Variants in XPO4 observed in about 807,000 individuals in gnomAD.
The protein encoded by XPO4 is exportin 4, also known as exportin-4.
XPO4 carries 39 observed loss-of-function variants against 143.0 expected under a neutral mutation model. The observed-to-expected ratio is 0.27, with a 90% CI of 0.21 to 0.36. The LOEUF (loss-of-function observed/expected upper bound fraction) is 0.36. XPO4 is among the 10% of genes least tolerant of loss of function. XPO4 has a pLI of 1.00. For synonymous variants in XPO4, 439 were observed against 474.0 expected (o/e 0.93, Z 0.96); for missense variants, 907 against 1,348.0 (o/e 0.67, Z 5.12).
At chr13:20,861,440 CA>C (rs2060197391) in intron 3 of XPO4, among the ~76,000 whole-genome samples, 2 of 151,670 alleles carry the variant, frequency 1.3e-5, no homozygotes, top group African/African-American at 2.4e-5. Flanking sequence ...GGACTACAGG[CA>C]TGCACTACCA....
rs2059457849 is a variant in XPO4 at position 20,803,164 on chromosome 13, A to T, written c.1818-2174T>A. Among the ~76,000 whole-genome samples the T allele has an allele frequency of 6.6e-6, 1 of 152,206 alleles. No homozygotes were observed. The highest frequency in any genetic ancestry group is 2.4e-5 in the African/African-American group (1 of 41,442). ...ATTTCTTCCAAGTTATACACCAAAA[A>T]TCACAGAGATCTACCAACAAAAATT... On this transcript the variant is annotated intron_variant, in intron 13 of 22. Transcript: ENST00000255305. This position sits in a 1 kb window ranked among gnomAD's most constrained non-coding sequence, Gnocchi z 4.1.
intron 6 of XPO4, among the ~76,000 whole-genome samples, chr13:20,831,066 TA>T (rs549376550): frequency 3.3e-5 from 5 of 151,588 alleles, no homozygotes; most frequent in African/African-American, 1.2e-4. Flanking sequence ...GTATAAGAAA[TA>T]AAAAAAACCA....
intron 9 of XPO4, among the ~76,000 whole-genome samples, chr13:20,814,343 A>G (rs1029440651): frequency 6.6e-6 from 1 of 152,232 alleles, no homozygotes; most frequent in Non-Finnish European, 1.5e-5. Context: ...TCTATTATTA[A>G]AAAAAGTTTT....
At chr13:20,862,594 G>C in intron 3 of XPO4, 123 bp downstream of exon 3, 1 of 1,217,018 alleles carries the variant, frequency 8.2e-7, no homozygotes. Flanking sequence ...TCCCAAAGTG[G>C]AGATTATAGG....
At chr13:20,901,312 C>T (rs956898459) in intron 1 of XPO4, among the ~76,000 whole-genome samples, 1 of 152,082 alleles carries the variant, frequency 6.6e-6, no homozygotes, top group African/African-American at 2.4e-5. Flanking sequence ...TATATTAAGC[C>T]AGTGACGAAG....
chr13:20,885,978 C>T (rs1250302253), intron 1 of XPO4, among the ~76,000 whole-genome samples: 1 of 152,042 alleles, frequency 6.6e-6, no homozygotes, highest in Admixed American at 6.6e-5. Flanking sequence ...TTTATACGTA[C>T]AAAACAAAAC....
At chr13:20,793,548 T>TATTGACTG (rs537228348) in intron 18 of XPO4, among the ~76,000 whole-genome samples, 3 of 151,726 alleles carry the variant, frequency 2.0e-5, no homozygotes, top group Non-Finnish European at 4.4e-5. Flanking sequence ...TGCCCTTTCT[T>TATTGACTG]ATTGACTGAT....
In XPO4 at chr13:20,831,295, AAT is replaced by A. The variant is rs199621566; in HGVS notation, c.728-4118_728-4117del. On this transcript the variant is annotated intron_variant, in intron 6 of 22. Transcript: ENST00000255305. ...CATTTAAAAATAATTTTAATAAAAC[AAT>A]AGTTTCCTTTTAAAACTTTCAAAAG... Among the ~76,000 whole-genome samples the A allele has an allele frequency of 2.5e-4, 38 of 152,334 alleles. No homozygotes were observed. In the East Asian group the frequency reaches 6.0e-3, roughly 24 times the overall value.
intron 1 of XPO4, among the ~76,000 whole-genome samples, chr13:20,875,312 A>G (rs1004728372): frequency 6.6e-6 from 1 of 152,182 alleles, no homozygotes; most frequent in Non-Finnish European, 1.5e-5. Context: ...ATATTTCATA[A>G]TATTCCACAA....
intron 12 of XPO4, among the ~76,000 whole-genome samples, chr13:20,808,048 T>G (rs1458105013): frequency 1.3e-5 from 2 of 152,188 alleles, no homozygotes; most frequent in Non-Finnish European, 2.9e-5. Context: ...AAGAAGATCC[T>G]AAGAGTCAGA....
At chr13:20,849,879 G>A in intron 4 of XPO4, 1 of 883,098 alleles carries the variant, frequency 1.1e-6, no homozygotes, top group Non-Finnish European at 1.4e-6. Context: ...GCTGAAGTGG[G>A]CAGATCACTT....
chr13:20,788,411 C>A, intron 20 of XPO4, 75 bp downstream of exon 20: 1 of 1,542,706 alleles, frequency 6.5e-7, no homozygotes, highest in East Asian at 2.4e-5. Flanking sequence ...AAAATGTAAA[C>A]TTAAAAAACT....
chr13:20,807,340 A>AT (rs1403755835), intron 13 of XPO4, 117 bp downstream of exon 13: 5 of 1,072,868 alleles, frequency 4.7e-6, no homozygotes, highest in Non-Finnish European at 6.6e-6. Flanking sequence ...CCAAGTTTTC[A>AT]TTTTTTTCAT....
chr13:20,883,863 G>A (rs2060436370), intron 1 of XPO4, among the ~76,000 whole-genome samples: 1 of 152,192 alleles, frequency 6.6e-6, no homozygotes, highest in Non-Finnish European at 1.5e-5. Context: ...CGCCTCCTGG[G>A]TTCAAGCGAT....
At chr13:20,787,338 C>T (rs2059219085) in intron 21 of XPO4, 143 bp downstream of exon 21, 15 of 784,152 alleles carry the variant, frequency 1.9e-5, no homozygotes, top group Non-Finnish European at 2.1e-6. Flanking sequence ...AGCTGATCTC[C>T]AGAAAAAAAC....
At chr13:20,850,141 T>C (rs530732176) in intron 4 of XPO4, 32 of 985,052 alleles carry the variant, frequency 3.2e-5, no homozygotes, top group Middle Eastern at 5.2e-4. Flanking sequence ...GTTTCACTCA[T>C]AGCATAAACA....
intron 1 of XPO4, among the ~76,000 whole-genome samples, chr13:20,893,721 G>T (rs2060541014): frequency 6.8e-6 from 1 of 147,958 alleles, no homozygotes; most frequent in African/African-American, 2.5e-5. Context: ...GCCTAAACGT[G>T]CATTGCGCCA....
intron 2 of XPO4, 113 bp downstream of exon 2, chr13:20,868,483 G>T (rs1000153341): frequency 3.6e-6 from 5 of 1,376,714 alleles, no homozygotes; most frequent in African/African-American, 3.0e-5. Context: ...TTAAATAATT[G>T]TAACTACACA....
intron 4 of XPO4, 109 bp from the exon 5 acceptor site, chr13:20,843,995 C>CTTATAACACTGTATAA: frequency 1.3e-6 from 1 of 782,648 alleles, no homozygotes; most frequent in South Asian, 1.6e-5. Flanking sequence ...TTTAGATCTT[C>CTTATAACACTGTATAA]CACTGTATCT....
Sources: allele counts gnomAD v4.1 joint callset (sites outside exome capture counted in the v4.1 genomes callset), GRCh38; gene constraint gnomAD v4.1.1; non-coding constraint Gnocchi (gnomAD v3.1); transcripts MANE v1.5; gene names NCBI Gene and HGNC (gene_info 2026-07-23, HGNC 2026-07-21).